The following MORN3 variants were observed in gnomAD, a reference collection of about 807,000 sequenced individuals.
The protein encoded by MORN3 is MORN repeat containing 3.
A neutral mutation model predicts 34.7 loss-of-function variants in MORN3; 38 were observed. The ratio of observed to expected loss-of-function variants is 1.10; its 90% CI spans 0.85 to 1.44. The LOEUF (loss-of-function observed/expected upper bound fraction) is 1.44, where lower values mean the gene tolerates loss of function less well. Among genes scored for constraint, MORN3 ranks in the 40% most tolerant of loss-of-function variants. MORN3 has a pLI of 0.00. For synonymous variants in MORN3, 109 were observed against 115.3 expected (o/e 0.95, Z 0.35); for missense variants, 311 against 321.7 (o/e 0.97, Z 0.25).
chr12:121,653,365 C>A, intron 3 of MORN3, 106 bp from the exon 4 acceptor site: 3 of 1,180,170 alleles, frequency 2.5e-6, no homozygotes, highest in East Asian at 5.0e-5. Flanking sequence ...CATTGGGAGG[C>A]CAAGATGGGA....
At chr12:121,659,724 G>A in intron 1 of MORN3, among the ~76,000 whole-genome samples, 1 of 151,636 alleles carries the variant, frequency 6.6e-6, no homozygotes, top group Non-Finnish European at 1.5e-5. Flanking sequence ...GTAAAGATGG[G>A]GTTCCATGTT....
At chr12:121,660,032 G>T (rs944956386) in intron 1 of MORN3, among the ~76,000 whole-genome samples, 1 of 151,376 alleles carries the variant, frequency 6.6e-6, no homozygotes, top group Admixed American at 6.6e-5. Flanking sequence ...TCAGGAGTTC[G>T]AGACCAGCCT....
At chr12:121,670,984 G>T (rs933463044), upstream of MORN3, among the ~76,000 whole-genome samples, 4 of 151,192 alleles carry the variant, frequency 2.6e-5, no homozygotes, top group East Asian at 1.9e-4. Flanking sequence ...GGTGGCGGGC[G>T]CCTGTAATCC....
chr12:121,661,592 G>C (rs2720033), intron 1 of MORN3, among the ~76,000 whole-genome samples: 36,105 of 151,852 alleles, frequency 0.24, 4,672 homozygotes, highest in African/African-American at 0.32. Flanking sequence ...TATCTTATGG[G>C]GGGGCTGGGC....
At chr12:121,665,129 G>C (rs1893702902) in intron 1 of MORN3, among the ~76,000 whole-genome samples, 1 of 151,822 alleles carries the variant, frequency 6.6e-6, no homozygotes, top group Non-Finnish European at 1.5e-5. Context: ...TGAAGAGTGA[G>C]AGCAGGAGGC....
chr12:121,658,431 T>C (rs376991759), intron 2 of MORN3, among the ~76,000 whole-genome samples: 212 of 151,868 alleles, frequency 1.4e-3, no homozygotes, highest in African/African-American at 4.8e-3. Context: ...CCGGGCGTGG[T>C]GGCGGGCGCC....
chr12:121,664,144 C>A (rs998502245), intron 1 of MORN3, among the ~76,000 whole-genome samples: 1 of 152,136 alleles, frequency 6.6e-6, no homozygotes. Context: ...AGGAACTCAA[C>A]GCAGAGGAAA....
intron 1 of MORN3, among the ~76,000 whole-genome samples, chr12:121,662,658 G>C (rs1893618005): frequency 6.6e-6 from 1 of 151,800 alleles, no homozygotes; most frequent in Non-Finnish European, 1.5e-5. Context: ...GGAGGCTAAG[G>C]CTGGAGAATC....
chr12:121,661,192 C>T lies in MORN3; in HGVS notation c.146-1844G>A, dbSNP rs374370464. ...CAGGCTGGTCTCAAACTACTGGGCT[C>T]AAGCAGTCCTCCTGCCTAGGCTTCC... On this transcript the variant is annotated intron_variant, in intron 1 of 5. Transcript: ENST00000355329. 2.6e-5 allele frequency among the ~76,000 whole-genome samples: 4 copies of T among 152,054 alleles called. No homozygotes were observed. In the South Asian group the frequency reaches 8.3e-4, roughly 32 times the overall value.
Position 121,669,492 on chromosome 12 carries a change from C to G in MORN3, c.-9G>C. On this transcript the variant is annotated 5_prime_UTR_variant, in exon 1 of 6. Transcript: ENST00000355329. ...CACTTAGAGACTGGCATGGTGGCTG[C>G]TTCTGCAAGGCTGGAGGGTGCTGGA... 1 of 1,612,994 alleles carries G rather than the reference C, an allele frequency of 6.2e-7. No homozygotes were observed. The highest frequency in any genetic ancestry group is 8.5e-7 in the Non-Finnish European group (1 of 1,179,344).
chr12:121,659,163 A>AC, intron 2 of MORN3, 28 bp downstream of exon 2: 1 of 1,601,812 alleles, frequency 6.2e-7, no homozygotes, highest in South Asian at 1.1e-5. Flanking sequence ...ACACACACAC[A>AC]CACACCCCGG....
intron 1 of MORN3, among the ~76,000 whole-genome samples, chr12:121,660,648 C>CT (rs201295586): frequency 0.047 from 5,322 of 114,346 alleles, 146 homozygotes; most frequent in East Asian, 0.19. Flanking sequence ...CGCACCCGGC[C>CT]TTTTTTTTTC....
In MORN3 at chr12:121,651,127, T is replaced by A. The variant is rs1555325022; in HGVS notation, c.*524A>T. 6.6e-6 allele frequency: 1 copy of A among 151,650 alleles called. No individual in the cohort carries two copies. The highest frequency in any genetic ancestry group is 2.4e-5 in the African/African-American group (1 of 41,040). 9.4% of individuals were successfully genotyped at this position (151,650 alleles called of 1,614,324 possible). A position where few individuals can be genotyped will look rare whatever the true frequency, so the allele number is the denominator to read the frequency against. On this transcript the variant is annotated 3_prime_UTR_variant, in exon 6 of 6. Transcript: ENST00000355329. ...TTTTTCTTTTCCTTTCTTTTATATT[T>A]TAAAATTTTTTTTTGTAGAGTCAGG...
chr12:121,659,400 G>A, intron 1 of MORN3, 52 bp from the exon 2 acceptor site: 1 of 1,601,110 alleles, frequency 6.2e-7, no homozygotes, highest in Non-Finnish European at 8.5e-7. Flanking sequence ...GGGGGGTGGG[G>A]GTGGTGTGCC....
intron 2 of MORN3, among the ~76,000 whole-genome samples, chr12:121,657,307 C>T (rs1893441154): frequency 6.6e-6 from 1 of 152,194 alleles, no homozygotes. Context: ...TTCTGATCCT[C>T]ACTAAACTGC....
At chr12:121,667,363 C>T (rs1042678138) in intron 1 of MORN3, among the ~76,000 whole-genome samples, 1 of 152,032 alleles carries the variant, frequency 6.6e-6, no homozygotes, top group Non-Finnish European at 1.5e-5. Flanking sequence ...AAGCAATTCT[C>T]CTGCCTCAGC....
chr12:121,667,868 C>T (rs974801852), intron 1 of MORN3, among the ~76,000 whole-genome samples: 2 of 152,082 alleles, frequency 1.3e-5, no homozygotes, highest in African/African-American at 2.4e-5. Context: ...GGACTACAGG[C>T]GCCCACTACC....
Position 121,669,590 on chromosome 12 carries a change from CAT to C in MORN3, c.-109_-108del, listed in dbSNP as rs1231049523. 4.5e-5 allele frequency: 67 copies of C among 1,477,442 alleles called. No individual in the cohort carries two copies. Among genetic ancestry groups the C allele is most frequent in the Middle Eastern group, 1.8e-4 (1 of 5,668 alleles). The allele number at this position is 1,477,442 out of a possible 1,614,324, so 91.5% of individuals were successfully genotyped here. A position where few individuals can be genotyped will look rare whatever the true frequency, so the allele number is the denominator to read the frequency against. Reference sequence around the variant, plus strand: ...GATCCTGAGCTCAAGTGGGGAGAGTCATGTGTGTTCTGAGTCCCTGGGGCAGG... The same window carrying C: ...GATCCTGAGCTCAAGTGGGGAGAGTCGTGTGTTCTGAGTCCCTGGGGCAGG... On this transcript the variant is annotated 5_prime_UTR_variant, in exon 1 of 6. The change abolishes an upstream ATG in the 5' untranslated region. Transcript: ENST00000355329.
rs534090625 is a variant in MORN3, at chr12:121,651,488, A to T, written c.*163T>A. 1.3e-5 allele frequency: 2 copies of T among 152,212 alleles called. No homozygotes were observed. The highest frequency in any genetic ancestry group is 1.3e-4 in the Admixed American group (2 of 15,238). The allele number at this position is 152,212 out of a possible 1,614,324, so 9.4% of individuals were successfully genotyped here. A position where few individuals can be genotyped will look rare whatever the true frequency, so the allele number is the denominator to read the frequency against. On this transcript the variant is annotated 3_prime_UTR_variant, in exon 6 of 6. Transcript: ENST00000355329. ...CTGGGAGAGAAGCACCAGCCTTCCTATTGGCAAGAAATGACCCAGTGCTGG... is the reference window on the plus strand; with the variant it reads ...CTGGGAGAGAAGCACCAGCCTTCCTTTTGGCAAGAAATGACCCAGTGCTGG...
Sources: allele counts gnomAD v4.1 joint callset (sites outside exome capture counted in the v4.1 genomes callset), GRCh38; gene constraint gnomAD v4.1.1; transcripts MANE v1.5; gene names NCBI Gene and HGNC (gene_info 2026-07-23, HGNC 2026-07-21).